Variants in PRR15L observed in about 807,000 individuals in gnomAD.
PRR15L encodes proline-rich protein 15-like protein.
PRR15L carries 1 observed loss-of-function variant against 3.7 expected under a neutral mutation model. The observed-to-expected ratio is 0.27, with a 90% CI of 0.09 to 1.27. PRR15L has a LOEUF of 1.27. Ranked by LOEUF, PRR15L falls within the 50% of genes most tolerant of loss-of-function variation. PRR15L has a pLI of 0.47. For synonymous variants in PRR15L, 57 were observed against 51.9 expected, an observed-to-expected ratio of 1.10 and a Z score of -0.42; for missense variants, 127 against 128.7, an observed-to-expected ratio of 0.99 and a Z score of 0.06.
intron 1 of PRR15L, 128 bp from the exon 2 acceptor site, chr17:47,953,391 C>T (rs2036094412): frequency 1.6e-6 from 1 of 611,008 alleles, no homozygotes; most frequent in African/African-American, 1.8e-5. Flanking sequence ...GGGCGTGGTT[C>T]TTCATGCCTA....
rs770662166 is a variant in PRR15L at position 47,953,195 on chromosome 17, G to A, written c.40C>T (p.Arg14Trp). 1.1e-5 allele frequency: 17 copies of A among 1,597,276 alleles called. No homozygotes were observed. The highest frequency in any genetic ancestry group is 4.5e-5 in the East Asian group (2 of 44,540). Residue 14 changes from arginine to tryptophan, a missense_variant, in exon 2 of 2, where the codon CGG becomes TGG. Physicochemically the swap from Arg to Trp is moderately radical, Grantham distance 101 (BLOSUM62 -3). Coordinates refer to ENST00000300557, the MANE Select transcript of PRR15L (RefSeq NM_024320.4). ...ACTTTGGGAGTGGATTTCTTTTTCC[G>A]GAGGAAAGTCAGCTTCCACCAACCA... ...EIGWWKLTFLRKKKSTPKVLY... is the reference protein window; with the variant it reads ...EIGWWKLTFLWKKKSTPKVLY...
At chr17:47,953,839 G>C (rs2036100016) in intron 1 of PRR15L, among the ~76,000 whole-genome samples, 2 of 152,166 alleles carry the variant, frequency 1.3e-5, no homozygotes, top group African/African-American at 4.8e-5. Context: ...AGAGGCAGTG[G>C]GACAGGCACA....
chr17:47,952,530 AG>A lies in PRR15L; in HGVS notation c.*392del, dbSNP rs1190331200. ...GAGTAGTCACAGGTAGAGAAAGTAA[AG>A]GGAGCAGCAATTGAAACTCGCCCTT... On this transcript the variant is annotated 3_prime_UTR_variant, in exon 2 of 2. Coordinates refer to ENST00000300557, the MANE Select transcript of PRR15L (RefSeq NM_024320.4). The A allele has an allele frequency of 5.8e-6, 1 of 173,442 alleles. No homozygotes were observed. The highest frequency in any genetic ancestry group is 1.2e-5 in the Non-Finnish European group (1 of 80,662). 10.7% of individuals were successfully genotyped at this position (173,442 alleles called of 1,614,324 possible). A position where few individuals can be genotyped will look rare whatever the true frequency, so the allele number is the denominator to read the frequency against.
chr17:47,953,084 AGTCGCTGTTGGGGCCTCCAGC>A lies in PRR15L; in HGVS notation c.130_150del (p.Ala44_Asp50del). ...ACAATCTTCTCCAGGCGGGTGTTAA[AGTCGCTGTTGGGGCCTCCAGC>A]GTCAGGCCTCGGGGGTTCTGCATCT... On this transcript the variant is annotated inframe_deletion, in exon 2 of 2. Transcript: ENST00000300557. 6.2e-7 allele frequency: 1 copy of A among 1,614,120 alleles called. No homozygotes were observed. Among genetic ancestry groups the A allele is most frequent in the Non-Finnish European group, 8.5e-7 (1 of 1,180,008 alleles).
chr17:47,954,930 T>C (rs543761248), intron 1 of PRR15L, among the ~76,000 whole-genome samples: 1 of 144,598 alleles, frequency 6.9e-6, no homozygotes, highest in South Asian at 2.2e-4. Context: ...TGCCTTTTTT[T>C]TTTCTTTTTT....
Position 47,953,227 on chromosome 17 carries a change from G to T in PRR15L, c.8C>A (p.Thr3Asn). 6.3e-7 allele frequency: 1 copy of T among 1,576,242 alleles called. No homozygotes were observed. ...AGTCAGCTTCCACCAACCAATTTCA[G>T]TCGTCATGGCGCTCCCTAAGCCAAG... MT[T>N]EIGWWKLTFL... is the part of the protein sequence containing the mutation. The change falls in exon 2 of 2, where the codon ACT becomes AAT. Residue 3 changes from threonine to asparagine, a missense_variant. By Grantham distance (65) the Thr-to-Asn change is moderately conservative (BLOSUM62 0). Transcript: ENST00000300557.
At chr17:47,956,068 T>C (rs1285316440) in intron 1 of PRR15L, among the ~76,000 whole-genome samples, 1 of 152,250 alleles carries the variant, frequency 6.6e-6, no homozygotes, top group East Asian at 1.9e-4. Flanking sequence ...CTCAGCAAAC[T>C]GTAGAGATGG....
intron 1 of PRR15L, among the ~76,000 whole-genome samples, chr17:47,957,333 T>A (rs2036141283): frequency 6.6e-6 from 1 of 152,204 alleles, no homozygotes; most frequent in Non-Finnish European, 1.5e-5. Context: ...CAATGGCACT[T>A]AGGGGGCCTG....
chr17:47,952,832 G>C lies in PRR15L; in HGVS notation c.*91C>G. The C allele has an allele frequency of 2.2e-6, 3 of 1,337,716 alleles. No individual in the cohort carries two copies. Among genetic ancestry groups the C allele is most frequent in the Non-Finnish European group, 3.0e-6 (3 of 985,060 alleles). The allele number at this position is 1,337,716 out of a possible 1,614,324, so 82.9% of individuals were successfully genotyped here. A position where few individuals can be genotyped will look rare whatever the true frequency, so the allele number is the denominator to read the frequency against. On this transcript the variant is annotated 3_prime_UTR_variant, in exon 2 of 2. Coordinates refer to ENST00000300557, the MANE Select transcript of PRR15L (RefSeq NM_024320.4). ...GGTATCAACTGGCCCCACAGCTTCA[G>C]CTATGGCCAAAGAGGCCAGCGTGGC...
chr17:47,952,052 T>A lies in PRR15L; in HGVS notation c.*871A>T, dbSNP rs2036071418. 6.6e-6 allele frequency: 1 copy of A among 152,176 alleles called. No homozygotes were observed. Among genetic ancestry groups the A allele is most frequent in the South Asian group, 2.1e-4 (1 of 4,828 alleles). The allele number at this position is 152,176 out of a possible 1,614,324, so 9.4% of individuals were successfully genotyped here. A position where few individuals can be genotyped will look rare whatever the true frequency, so the allele number is the denominator to read the frequency against. Reference sequence around the variant, plus strand: ...TCTCAATAAATGCAAGACATGAGCATAAAAGAGGTTCTCTGCCTTTCCAGC... The same window carrying A: ...TCTCAATAAATGCAAGACATGAGCAAAAAAGAGGTTCTCTGCCTTTCCAGC... On this transcript the variant is annotated 3_prime_UTR_variant, in exon 2 of 2. Transcript: ENST00000300557.
At chr17:47,955,575 C>A (rs1454365415) in intron 1 of PRR15L, among the ~76,000 whole-genome samples, 1 of 152,144 alleles carries the variant, frequency 6.6e-6, no homozygotes, top group Non-Finnish European at 1.5e-5. Context: ...GTGCAGCTCC[C>A]GCTCAGAAAG....
intron 1 of PRR15L, 32 bp from the exon 2 acceptor site, chr17:47,953,295 T>G: frequency 2.3e-6 from 3 of 1,322,998 alleles, no homozygotes; most frequent in Non-Finnish European, 2.1e-6. Flanking sequence ...GACAAAGGGG[T>G]CAGTGGGAAA....
chr17:47,956,070 T>G (rs1405606474), intron 1 of PRR15L, among the ~76,000 whole-genome samples: 1 of 152,210 alleles, frequency 6.6e-6, no homozygotes, highest in Non-Finnish European at 1.5e-5. Context: ...CAGCAAACTG[T>G]AGAGATGGGA....
rs1328554526 is a variant in PRR15L, at chr17:47,952,224, C to T, written c.*699G>A. 1 of 152,158 alleles carries T rather than the reference C, an allele frequency of 6.6e-6. No individual in the cohort carries two copies. Among genetic ancestry groups the T allele is most frequent in the Non-Finnish European group, 1.5e-5 (1 of 68,038 alleles). The allele number at this position is 152,158 out of a possible 1,614,324, so 9.4% of individuals were successfully genotyped here. ...TCCCCACCCACTCCCCCGATTTGGCCCGTGTAGCTTCCCTTTGAGGGTGTG... is the reference window on the plus strand; with the variant it reads ...TCCCCACCCACTCCCCCGATTTGGCTCGTGTAGCTTCCCTTTGAGGGTGTG... On this transcript the variant is annotated 3_prime_UTR_variant, in exon 2 of 2. Transcript: ENST00000300557.
chr17:47,957,249 T>C (rs1230323117), intron 1 of PRR15L, among the ~76,000 whole-genome samples: 3 of 152,164 alleles, frequency 2.0e-5, no homozygotes. Context: ...GGGGGACAGA[T>C]AGGGGAAGCA....
In PRR15L at chr17:47,953,027, C is replaced by T; in HGVS notation, c.208G>A (p.Val70Ile). 6.2e-7 allele frequency: 1 copy of T among 1,614,150 alleles called. No homozygotes were observed. Among genetic ancestry groups the T allele is most frequent in the Non-Finnish European group, 8.5e-7 (1 of 1,180,024 alleles). The stretch of plus-strand genomic sequence containing the variant: ...TCCTTGAAGCGTCCTGAGTTGGAGA[C>T]CTTGACGTGCTTGCCCTTTGTGCTC... ...DKSTKGKHVK[V>I]SNSGRFKEKK... is the part of the protein sequence containing the mutation. Residue 70 changes from valine (V) to isoleucine (I), a missense_variant, in exon 2 of 2, where the codon GTC becomes ATC. Val to Ile is a conservative substitution (Grantham distance 29). Transcript: ENST00000300557.
chr17:47,954,879 C>T (rs2036110561), intron 1 of PRR15L, among the ~76,000 whole-genome samples: 1 of 151,842 alleles, frequency 6.6e-6, no homozygotes, highest in Admixed American at 6.6e-5. Context: ...GAAGTGTTCA[C>T]TCCATTTTTG....
rs2144174412 is a variant in PRR15L at position 47,952,142 on chromosome 17, T to C, written c.*781A>G. On this transcript the variant is annotated 3_prime_UTR_variant, in exon 2 of 2. Coordinates refer to ENST00000300557, the MANE Select transcript of PRR15L (RefSeq NM_024320.4). ...ACAAAATTCAAGGCTCCAGGACTCA[T>C]CTCTGGAGCTGATATGTCTTAAATA... 1 of 152,270 alleles carries C rather than the reference T, an allele frequency of 6.6e-6. No homozygotes were observed. The highest frequency in any genetic ancestry group is 2.4e-5 in the African/African-American group (1 of 41,548). 9.4% of individuals were successfully genotyped at this position (152,270 alleles called of 1,614,324 possible).
chr17:47,954,129 C>T (rs2036102328), intron 1 of PRR15L, among the ~76,000 whole-genome samples: 1 of 152,186 alleles, frequency 6.6e-6, no homozygotes, highest in African/African-American at 2.4e-5. Context: ...CCAGTGGTGA[C>T]CAGCAGGGCT....
Sources: gnomAD v4.1 joint callset for allele counts (sites outside exome capture counted in the v4.1 genomes callset) on GRCh38, gnomAD v4.1.1 for gene constraint, MANE v1.5 for transcripts, NCBI Gene and HGNC (gene_info 2026-07-23, HGNC 2026-07-21) for gene names.